Variants in ANXA7 observed in about 807,000 individuals in gnomAD.
The protein encoded by ANXA7 is annexin VII.
Under a neutral mutation model 64.9 loss-of-function variants are expected in ANXA7, and 55 were observed. That is an observed-to-expected ratio of 0.85 (90% confidence interval 0.68 to 1.06). The LOEUF is 1.06. Ranked by LOEUF, ANXA7 falls within the 50% of genes least tolerant of loss-of-function variation. The probability of loss-of-function intolerance (pLI) is 0.00; values close to 1 mark genes in which losing one functional copy is unlikely to be tolerated. For synonymous variants in ANXA7, 200 were observed against 192.4 expected (o/e 1.04, Z -0.33); for missense variants, 548 against 582.1 (o/e 0.94, Z 0.60).
intron 1 of ANXA7, 119 bp from the exon 2 acceptor site, chr10:73,400,976 G>C: frequency 2.9e-6 from 2 of 683,040 alleles, no homozygotes; most frequent in Non-Finnish European, 4.5e-6. Flanking sequence ...GCGTGATTTT[G>C]GCTCACTGCA....
At chr10:73,378,221 A>T (rs1245561857) in intron 12 of ANXA7, among the ~76,000 whole-genome samples, 1 of 151,804 alleles carries the variant, frequency 6.6e-6, no homozygotes, top group Non-Finnish European at 1.5e-5. Context: ...CCAAAAAAAT[A>T]CAAAAACTTA....
intron 5 of ANXA7, among the ~76,000 whole-genome samples, chr10:73,392,492 G>C (rs540988009): frequency 1.3e-5 from 2 of 152,178 alleles, no homozygotes; most frequent in Non-Finnish European, 2.9e-5. Context: ...ACATCAAAAA[G>C]CTTATCCATC....
chr10:73,383,282 G>C lies in ANXA7; in HGVS notation c.811C>G (p.Arg271Gly). ...ILCTRTNQEI[R>G]EIVRCYQSEF... ...GACTGATAACATCTGACAATTTCTC[G>C]GATTTCCTGATTTGTTCTTGTGCAC... The change falls in exon 9 of 13, where the codon CGA (arginine) becomes GGA (glycine). Residue 271 changes from arginine to glycine, a missense_variant. Arg to Gly is a moderately radical substitution (Grantham distance 125). Transcript: ENST00000372921. The C allele has an allele frequency of 1.9e-6, 3 of 1,613,944 alleles. No individual in the cohort carries two copies. The highest frequency in any genetic ancestry group is 2.5e-6 in the Non-Finnish European group (3 of 1,179,960).
chr10:73,393,519 C>G (rs895040914), intron 5 of ANXA7, among the ~76,000 whole-genome samples: 1 of 152,154 alleles, frequency 6.6e-6, no homozygotes, highest in East Asian at 1.9e-4. Context: ...AGATATAGAC[C>G]AATGGAACAG....
At chr10:73,377,010 AAGG>A (rs2055181605) in intron 12 of ANXA7, among the ~76,000 whole-genome samples, 1 of 152,208 alleles carries the variant, frequency 6.6e-6, no homozygotes, top group Admixed American at 6.5e-5. Flanking sequence ...AGTTGGGAGA[AAGG>A]AGAATGGGGA....
intron 9 of ANXA7, 100 bp from the exon 10 acceptor site, chr10:73,380,301 CT>C (rs555312505): frequency 9.8e-3 from 10,350 of 1,052,032 alleles, no homozygotes; most frequent in South Asian, 0.013. Context: ...GAGACTATTT[CT>C]TTTTTTTTTG....
Position 73,383,455 on chromosome 10 carries a change from A to G in ANXA7, c.748-110T>C, listed in dbSNP as rs569203860. 1.9e-5 allele frequency: 24 copies of G among 1,266,272 alleles called. No homozygotes were observed. In the African/African-American group the frequency reaches 3.5e-4, roughly 18 times the overall value. The allele number at this position is 1,266,272 out of a possible 1,614,324, so 78.4% of individuals were successfully genotyped here. A position where few individuals can be genotyped will look rare whatever the true frequency, so the allele number is the denominator to read the frequency against. ...GTAGAACTAAAAACTATATATTCAG[A>G]TGGATGATGTGAAATAAAGAATTGC... On this transcript the variant is annotated intron_variant, in intron 8 of 12. Coordinates refer to ENST00000372921, the MANE Select transcript of ANXA7 (RefSeq NM_001156.5).
intron 1 of ANXA7, among the ~76,000 whole-genome samples, chr10:73,407,675 G>A (rs1168604830): frequency 6.6e-6 from 1 of 152,192 alleles, no homozygotes; most frequent in Non-Finnish European, 1.5e-5. Flanking sequence ...ATTTATGAAA[G>A]TCCACTGTGT....
At chr10:73,389,466 G>C (rs930905662) in intron 5 of ANXA7, among the ~76,000 whole-genome samples, 7 of 152,148 alleles carry the variant, frequency 4.6e-5, no homozygotes, top group Non-Finnish European at 8.8e-5. Flanking sequence ...TCCTGATTTT[G>C]ATCATTGCAT....
intron 12 of ANXA7, 26 bp downstream of exon 12, chr10:73,378,885 G>A (rs369495751): frequency 3.2e-6 from 5 of 1,550,408 alleles, no homozygotes; most frequent in Non-Finnish European, 4.4e-6. Context: ...AGTAAGACCC[G>A]ACAAAAAGAG....
chr10:73,376,135 C>T lies in ANXA7; in HGVS notation c.1361G>A (p.Gly454Glu). 6.2e-7 allele frequency: 1 copy of T among 1,607,066 alleles called. No homozygotes were observed. The highest frequency in any genetic ancestry group is 8.5e-7 in the Non-Finnish European group (1 of 1,177,138). ...AGCCAGAAGAAGTCTTCGGTAATCT[C>T]CACTCGTGTCACCTGCAATCATTGT... Reference protein sequence around the residue: ...LGTMIAGDTSGDYRRLLLAIV... With the variant: ...LGTMIAGDTSEDYRRLLLAIV... Residue 454 changes from glycine (G) to glutamate (E), a missense_variant, in exon 13 of 13, where the codon GGA (glycine) becomes GAA (glutamate). Transcript: ENST00000372921.
At chr10:73,399,826 CA>C (rs1564531174) in intron 2 of ANXA7, among the ~76,000 whole-genome samples, 1 of 145,740 alleles carries the variant, frequency 6.9e-6, no homozygotes, top group Non-Finnish European at 1.5e-5. Flanking sequence ...ATCTCAAAAA[CA>C]AAAACAAAAA....
At chr10:73,396,411 C>T in intron 5 of ANXA7, 108 bp downstream of exon 5, 2 of 780,258 alleles carry the variant, frequency 2.6e-6, no homozygotes, top group East Asian at 4.9e-5. Flanking sequence ...TTTAGTCTTC[C>T]ATTACTATAA....
At chr10:73,378,311 G>C (rs543666382) in intron 12 of ANXA7, among the ~76,000 whole-genome samples, 1 of 150,582 alleles carries the variant, frequency 6.6e-6, no homozygotes, top group South Asian at 2.1e-4. Flanking sequence ...CCAGGAAGTG[G>C]AGGTTGCAGT....
intron 12 of ANXA7, among the ~76,000 whole-genome samples, chr10:73,377,930 T>TGTGTGC (rs542289005): frequency 0.054 from 7,745 of 142,506 alleles, 403 homozygotes; most frequent in East Asian, 0.22. Flanking sequence ...TGTGTGTGTG[T>TGTGTGC]GCGCGCGCGT....
Position 73,397,280 on chromosome 10 carries a change from G to C in ANXA7, c.260-6C>G. The C allele has an allele frequency of 6.3e-7, 1 of 1,584,018 alleles. No individual in the cohort carries two copies. ...AAATCCTTGGCCTGGAGGAACTAGA[G>C]AAAAGAACATGTCAATAAACTATAG... On this transcript the variant is annotated splice_region_variant and splice_polypyrimidine_tract_variant and intron_variant, in intron 3 of 12. Transcript: ENST00000372921.
intron 7 of ANXA7, 146 bp from the exon 8 acceptor site, chr10:73,383,836 T>A: frequency 3.1e-6 from 2 of 639,558 alleles, no homozygotes. Context: ...AAGAAGTAAA[T>A]AAAGGCCAGG....
chr10:73,397,306 T>C (rs759527327), intron 3 of ANXA7, 32 bp from the exon 4 acceptor site: 18 of 1,407,224 alleles, frequency 1.3e-5, no homozygotes, highest in Middle Eastern at 3.6e-4. Flanking sequence ...TAAACTATAG[T>C]ACAGTTCTCA....
At chr10:73,388,436 T>C (rs1259973222) in intron 5 of ANXA7, 22 bp from the exon 6 acceptor site, 1 of 1,570,414 alleles carries the variant, frequency 6.4e-7, no homozygotes, top group South Asian at 1.1e-5. Flanking sequence ...AGGCATAAAA[T>C]CCGTGTCAGC....
Sources: allele counts gnomAD v4.1 joint callset (sites outside exome capture counted in the v4.1 genomes callset), GRCh38; gene constraint gnomAD v4.1.1; transcripts MANE v1.5; gene names NCBI Gene and HGNC (gene_info 2026-07-23, HGNC 2026-07-21).